The following CD99 variants were observed in gnomAD, a reference collection of about 807,000 sequenced individuals.
The protein encoded by CD99 is CD99 antigen.
Under a neutral mutation model 28.4 loss-of-function variants are expected in CD99, and 19 were observed. The observed-to-expected ratio is 0.67, with a 90% CI of 0.47 to 0.98. The LOEUF is 0.98. CD99 is among the 50% of genes least tolerant of loss of function. The pLI is 0.00. For synonymous variants in CD99, 103 were observed against 92.1 expected (o/e 1.12, Z -0.67); for missense variants, 283 against 248.8 (o/e 1.14, Z -0.92).
At chrX:2,718,369 C>CTTTTT (rs750689789) in intron 3 of CD99, among the ~76,000 whole-genome samples, 2 of 136,920 alleles carry the variant, frequency 1.5e-5, no homozygotes, top group Non-Finnish European at 1.6e-5. Context: ...TTCTTTCTTT[C>CTTTTT]TTTTTTTTTT....
Position 2,726,297 on chromosome X carries a change from T to TGTCGTGGTCGCC in CD99, c.402_413dup (p.Val135_Val138dup). On this transcript the variant is annotated inframe_insertion, in exon 8 of 10. Coordinates refer to ENST00000381192, the MANE Select transcript of CD99 (RefSeq NM_002414.5). ...GCGTGATCCCCGGGATTGTGGGGGC[T>TGTCGTGGTCGCC]GTCGTGGTCGCCGTGGCTGGAGCCA... The TGTCGTGGTCGCC allele has an allele frequency of 6.2e-7, 1 of 1,612,088 alleles. No homozygotes were observed. Among genetic ancestry groups the TGTCGTGGTCGCC allele is most frequent in the East Asian group, 2.2e-5 (1 of 44,874 alleles).
chrX:2,717,850 T>C, intron 3 of CD99, 198 bp downstream of exon 3: 1 of 605,270 alleles, frequency 1.7e-6, no homozygotes, highest in Non-Finnish European at 3.0e-6. Flanking sequence ...TGGTTGCTGA[T>C]GTGAAATGTT....
At chrX:2,731,998 T>C (rs1024207654) in intron 8 of CD99, among the ~76,000 whole-genome samples, 25 of 151,786 alleles carry the variant, frequency 1.6e-4, no homozygotes, top group African/African-American at 4.4e-4. Flanking sequence ...CTGAGTGTGG[T>C]GGCTCCCAGC....
intron 8 of CD99, among the ~76,000 whole-genome samples, chrX:2,732,785 C>T (rs1477344956): frequency 6.8e-6 from 1 of 147,746 alleles, no homozygotes; most frequent in Non-Finnish European, 1.5e-5. Context: ...TCCATCCCTT[C>T]CTCCTTTCCT....
intron 8 of CD99, among the ~76,000 whole-genome samples, chrX:2,732,768 T>TCC (rs201943307): frequency 1.4e-5 from 2 of 146,536 alleles, no homozygotes; most frequent in African/African-American, 5.1e-5. Flanking sequence ...TCTTTCCTTT[T>TCC]CCCCTCTCCA....
intron 1 of CD99, among the ~76,000 whole-genome samples, chrX:2,704,272 C>T (rs1378890320): frequency 2.6e-5 from 4 of 152,172 alleles, no homozygotes; most frequent in African/African-American, 7.2e-5. Context: ...TCTTACCAAA[C>T]ATATTGTAAA....
At chrX:2,706,217 G>T (rs967563847) in intron 1 of CD99, among the ~76,000 whole-genome samples, 1 of 152,018 alleles carries the variant, frequency 6.6e-6, no homozygotes, top group African/African-American at 2.4e-5. Flanking sequence ...AAAATCAGCC[G>T]GGCGTGGTGG....
intron 8 of CD99, among the ~76,000 whole-genome samples, chrX:2,734,658 T>C (rs1218275160): frequency 2.0e-5 from 3 of 151,544 alleles, no homozygotes; most frequent in Non-Finnish European, 4.4e-5. Flanking sequence ...CTTATTTGTT[T>C]TCCTTTTTGC....
At chrX:2,730,122 C>G (rs1372161425) in intron 8 of CD99, among the ~76,000 whole-genome samples, 2 of 152,078 alleles carry the variant, frequency 1.3e-5, no homozygotes, top group Admixed American at 1.3e-4. Flanking sequence ...CCACTGCACT[C>G]CAGCCTGGAC....
intron 1 of CD99, among the ~76,000 whole-genome samples, chrX:2,697,720 A>T (rs2047641735): frequency 6.6e-6 from 1 of 151,950 alleles, no homozygotes. Flanking sequence ...GAACCCAAAT[A>T]TTGCCAGTCG....
At chrX:2,709,599 AGCACACACGT>A (rs2124524926) in intron 1 of CD99, among the ~76,000 whole-genome samples, 1 of 152,384 alleles carries the variant, frequency 6.6e-6, no homozygotes, top group Admixed American at 6.5e-5. Context: ...TACGTGCAGG[AGCACACACGT>A]GCACACACAG....
At chrX:2,718,774 A>C (rs2048861826) in intron 3 of CD99, among the ~76,000 whole-genome samples, 1 of 152,108 alleles carries the variant, frequency 6.6e-6, no homozygotes, top group Non-Finnish European at 1.5e-5. Context: ...TGATGCTAAA[A>C]CTTATGGCAT....
In CD99 at chrX:2,726,301, G is replaced by A. The variant is rs770516694; in HGVS notation, c.403G>A (p.Val135Met). Reference sequence around the variant, plus strand: ...GATCCCCGGGATTGTGGGGGCTGTCGTGGTCGCCGTGGCTGGAGCCATCTC... The same window carrying A: ...GATCCCCGGGATTGTGGGGGCTGTCATGGTCGCCGTGGCTGGAGCCATCTC... The part of the protein sequence containing the change: ...GVIPGIVGAV[V>M]VAVAGAISSF... Residue 135 changes from valine to methionine, a missense_variant, in exon 8 of 10, where the codon GTG (valine) becomes ATG (methionine). Val to Met is a conservative substitution (Grantham distance 21, BLOSUM62 1). Transcript: ENST00000381192. The A allele has an allele frequency of 3.1e-6, 5 of 1,612,064 alleles. No individual in the cohort carries two copies. The South Asian group carries it at 3.3e-5, about 11-fold the overall frequency.
chrX:2,701,036 C>T (rs1274192824), intron 1 of CD99, among the ~76,000 whole-genome samples: 2 of 151,704 alleles, frequency 1.3e-5, no homozygotes, highest in East Asian at 1.9e-4. Flanking sequence ...CACCTACCTA[C>T]TCACCCACCT....
chrX:2,709,460 T>TC (rs2076083178), intron 1 of CD99, among the ~76,000 whole-genome samples: 1 of 152,226 alleles, frequency 6.6e-6, no homozygotes, highest in Non-Finnish European at 1.5e-5. Flanking sequence ...AGTGCACTTG[T>TC]GCACATATAC....
chrX:2,738,139 T>C (rs35835388), intron 8 of CD99, 61 bp from the exon 9 acceptor site: 70,670 of 1,470,250 alleles, frequency 0.048, 1,957 homozygotes, highest in Non-Finnish European at 0.057. Context: ...TTTGTGTGTA[T>C]TTTGAGGAGT....
Position 2,722,493 on chromosome X carries a change from A to G in CD99, c.263-134A>G, listed in dbSNP as rs1260219193. ...CTGTCACCACATCCAGCTAATTTTT[A>G]TATTCTTAGTGGAGATGGGGTTTCA... On this transcript the variant is annotated intron_variant, in intron 5 of 9. Transcript: ENST00000381192. 1.3e-5 allele frequency: 10 copies of G among 777,704 alleles called. No individual in the cohort carries two copies. The Admixed American group carries it at 2.0e-4, about 15-fold the overall frequency. 48.2% of individuals were successfully genotyped at this position (777,704 alleles called of 1,614,324 possible). A position where few individuals can be genotyped will look rare whatever the true frequency, so the allele number is the denominator to read the frequency against.
intron 1 of CD99, among the ~76,000 whole-genome samples, chrX:2,706,470 T>C (rs1189880974): frequency 2.0e-5 from 3 of 152,178 alleles, no homozygotes; most frequent in South Asian, 2.1e-4. Flanking sequence ...TCCTCCTCCT[T>C]TTCTACAATG....
At chrX:2,701,234 C>G (rs1284849750) in intron 1 of CD99, among the ~76,000 whole-genome samples, 5 of 151,256 alleles carry the variant, frequency 3.3e-5, no homozygotes, top group African/African-American at 1.2e-4. Flanking sequence ...CATCCATCCA[C>G]CCACCCATTT....
Sources: gnomAD v4.1 joint callset for allele counts (sites outside exome capture counted in the v4.1 genomes callset) on GRCh38, gnomAD v4.1.1 for gene constraint, MANE v1.5 for transcripts, NCBI Gene and HGNC (gene_info 2026-07-23, HGNC 2026-07-21) for gene names.